SLC16A9: variants seen among roughly 807,000 people sequenced by gnomAD.
SLC16A9 encodes monocarboxylate transporter 9.
Under a neutral mutation model 44.3 loss-of-function variants are expected in SLC16A9, and 26 were observed. The observed-to-expected ratio is 0.59, with a 90% CI of 0.43 to 0.81. SLC16A9 has a LOEUF of 0.81. SLC16A9 is among the 40% of genes least tolerant of loss of function. SLC16A9 has a pLI of 0.00. For synonymous variants in SLC16A9, 230 were observed against 225.1 expected (o/e 1.02, Z -0.19); for missense variants, 559 against 595.8 (o/e 0.94, Z 0.64).
chr10:59,670,427 C>T (rs1202298928), intron 3 of SLC16A9, among the ~76,000 whole-genome samples: 1 of 152,208 alleles, frequency 6.6e-6, no homozygotes, highest in Non-Finnish European at 1.5e-5. Flanking sequence ...TATTATGATG[C>T]TCAGTTTACA....
At chr10:59,703,170 G>A (rs1840561746) in intron 1 of SLC16A9, among the ~76,000 whole-genome samples, 1 of 152,148 alleles carries the variant, frequency 6.6e-6, no homozygotes, top group African/African-American at 2.4e-5. Flanking sequence ...CCAGGCTGGG[G>A]TGCAGTGGTG....
At chr10:59,703,779 C>T (rs897646423) in intron 1 of SLC16A9, among the ~76,000 whole-genome samples, 2 of 150,396 alleles carry the variant, frequency 1.3e-5, no homozygotes. Context: ...AGTGCAGTGG[C>T]GAGATCTCGG....
chr10:59,695,236 G>T (rs953871178), intron 1 of SLC16A9, among the ~76,000 whole-genome samples: 5 of 151,960 alleles, frequency 3.3e-5, no homozygotes, highest in Non-Finnish European at 7.4e-5. Flanking sequence ...TAAAATTGAT[G>T]GTAGTGATGG....
intron 4 of SLC16A9, among the ~76,000 whole-genome samples, chr10:59,662,945 A>T (rs1358752923): frequency 6.6e-6 from 1 of 152,228 alleles, no homozygotes; most frequent in Non-Finnish European, 1.5e-5. Flanking sequence ...TACCCCAAGG[A>T]TTATAAATCA....
intron 4 of SLC16A9, among the ~76,000 whole-genome samples, chr10:59,660,025 C>T (rs1376911556): frequency 6.6e-6 from 1 of 152,168 alleles, no homozygotes; most frequent in Non-Finnish European, 1.5e-5. Context: ...ATTTATAGCA[C>T]TAAATGCCCA....
rs941466337 is a variant in SLC16A9 at position 59,651,157 on chromosome 10, T to A, written c.*1615A>T. On this transcript the variant is annotated 3_prime_UTR_variant, in exon 6 of 6. Coordinates refer to ENST00000395348, the MANE Select transcript of SLC16A9 (RefSeq NM_194298.3). ...TGAACTGTTATGAAATTCTCCATAT[T>A]CCAGGTTTACTACATAGAAAAGTAC... 9.9e-5 allele frequency: 15 copies of A among 152,278 alleles called. No individual in the cohort carries two copies. The highest frequency in any genetic ancestry group is 3.6e-4 in the African/African-American group (15 of 41,568). 9.4% of individuals were successfully genotyped at this position (152,278 alleles called of 1,614,324 possible). A position where few individuals can be genotyped will look rare whatever the true frequency, so the allele number is the denominator to read the frequency against.
At chr10:59,659,192 G>C (rs2132410719) in intron 4 of SLC16A9, among the ~76,000 whole-genome samples, 1 of 152,154 alleles carries the variant, frequency 6.6e-6, no homozygotes, top group East Asian at 1.9e-4. Flanking sequence ...ATCATCTCTT[G>C]ATTACTAAAG....
chr10:59,696,495 G>C (rs1185016502), intron 1 of SLC16A9, among the ~76,000 whole-genome samples: 3 of 152,174 alleles, frequency 2.0e-5, no homozygotes, highest in African/African-American at 7.2e-5. Context: ...CCCCCAAAGT[G>C]CCGAGATTGC....
intron 4 of SLC16A9, among the ~76,000 whole-genome samples, chr10:59,655,107 T>C (rs1839320204): frequency 6.6e-6 from 1 of 152,100 alleles, no homozygotes; most frequent in African/African-American, 2.4e-5. Context: ...CTGGCCAACA[T>C]GGTGAAACCC....
chr10:59,680,270 A>G (rs1200425835), intron 2 of SLC16A9, among the ~76,000 whole-genome samples: 1 of 152,182 alleles, frequency 6.6e-6, no homozygotes, highest in East Asian at 1.9e-4. Flanking sequence ...TAAGATTATA[A>G]AGAGTATAAA....
At chr10:59,682,571 G>A (rs914467599) in intron 2 of SLC16A9, among the ~76,000 whole-genome samples, 6 of 152,192 alleles carry the variant, frequency 3.9e-5, no homozygotes, top group African/African-American at 1.2e-4. Context: ...CATTCTTCAA[G>A]TATGTGCTAA....
chr10:59,684,389 G>T, intron 1 of SLC16A9, 62 bp from the exon 2 acceptor site: 1 of 865,918 alleles, frequency 1.2e-6, no homozygotes. Flanking sequence ...CAGCGCTTGG[G>T]GTAAAAATAT....
chr10:59,705,471 A>AT (rs769873234), intron 1 of SLC16A9, among the ~76,000 whole-genome samples: 45 of 152,298 alleles, frequency 3.0e-4, no homozygotes, highest in Non-Finnish European at 5.6e-4. Flanking sequence ...GCCTCCCTAG[A>AT]TAACATAAGG....
chr10:59,668,812 T>G (rs1839682278), intron 3 of SLC16A9, among the ~76,000 whole-genome samples: 2 of 152,316 alleles, frequency 1.3e-5, no homozygotes, highest in Non-Finnish European at 2.9e-5. Flanking sequence ...AAAATCATAG[T>G]ACCTTATTAC....
chr10:59,702,176 A>G (rs1449135195), intron 1 of SLC16A9, among the ~76,000 whole-genome samples: 1 of 152,238 alleles, frequency 6.6e-6, no homozygotes, highest in African/African-American at 2.4e-5. Flanking sequence ...GTGCATTTAG[A>G]AGGCATTGTG....
At chr10:59,693,068 T>G (rs1290656690) in intron 1 of SLC16A9, among the ~76,000 whole-genome samples, 2 of 152,236 alleles carry the variant, frequency 1.3e-5, no homozygotes, top group Non-Finnish European at 2.9e-5. Flanking sequence ...CTACTTCTAC[T>G]TTTGCCTTCC....
chr10:59,653,172 C>A lies in SLC16A9; in HGVS notation c.1352-222G>T, dbSNP rs140518055. 3.3e-3 allele frequency among the ~76,000 whole-genome samples: 509 copies of A among 151,970 alleles called. 4 individuals are homozygous for A. The highest frequency in any genetic ancestry group is 0.012 in the African/African-American group (477 of 41,394). ...CGGTGGCTCACGCCTGTAAACCCAG[C>A]ACTTTGGGAGGCCGAGGCGGGCGGA... is the stretch of plus-strand genomic sequence containing the variant. On this transcript the variant is annotated intron_variant, in intron 5 of 5. Transcript: ENST00000395348.
At chr10:59,705,864 G>A (rs955753968) in intron 1 of SLC16A9, among the ~76,000 whole-genome samples, 15 of 152,148 alleles carry the variant, frequency 9.9e-5, no homozygotes, top group African/African-American at 3.4e-4. Context: ...TACCAATAAT[G>A]TTCAATCATA....
chr10:59,678,785 C>T (rs931970859), intron 2 of SLC16A9, among the ~76,000 whole-genome samples: 15 of 150,708 alleles, frequency 1.0e-4, no homozygotes, highest in Non-Finnish European at 7.4e-5. Context: ...CCTCATGATC[C>T]ACCCGCCTCG....
Sources: allele counts gnomAD v4.1 joint callset (sites outside exome capture counted in the v4.1 genomes callset), GRCh38; gene constraint gnomAD v4.1.1; transcripts MANE v1.5; gene names NCBI Gene and HGNC (gene_info 2026-07-23, HGNC 2026-07-21).